The following FAM149B1 variants were observed in gnomAD, a reference collection of about 807,000 sequenced individuals.
FAM149B1 encodes the protein family with sequence similarity 149 member B1, also known as primary cilium assembly protein FAM149B1.
In FAM149B1, 56 loss-of-function variants were observed where a neutral mutation model predicts 75.3. That is an observed-to-expected ratio of 0.74 (90% CI 0.60 to 0.93). The LOEUF is 0.93. Ranked by LOEUF, FAM149B1 falls within the 40% of genes least tolerant of loss-of-function variation. FAM149B1 has a pLI of 0.00. For synonymous variants in FAM149B1, 259 were observed against 256.1 expected, an observed-to-expected ratio of 1.01 and a Z score of -0.11; for missense variants, 639 against 708.4, an observed-to-expected ratio of 0.90 and a Z score of 1.11.
intron 7 of FAM149B1, among the ~76,000 whole-genome samples, chr10:73,220,158 A>C (rs2043378002): frequency 6.6e-6 from 1 of 152,116 alleles, no homozygotes; most frequent in African/African-American, 2.4e-5. Context: ...GTACATCGTT[A>C]GTCATTAGGG....
chr10:73,171,634 T>C lies in FAM149B1; in HGVS notation c.48-3053T>C, dbSNP rs568956000. Among the ~76,000 whole-genome samples, 386 of 150,144 alleles carry C rather than the reference T, an allele frequency of 2.6e-3. 1 individual carries two copies. Among genetic ancestry groups the C allele is most frequent in the African/African-American group, 8.9e-3 (364 of 40,980 alleles). ...ATCTTCCTTATCCTTTTCTTTCTTT[T>C]TTTTTTTTTTTTGAGACAGAGTCTC... On this transcript the variant is annotated intron_variant, in intron 1 of 13. Coordinates refer to ENST00000242505, the MANE Select transcript of FAM149B1 (RefSeq NM_173348.2).
At chr10:73,188,748 A>AGGAG (rs1564687103) in intron 3 of FAM149B1, among the ~76,000 whole-genome samples, 6 of 128,342 alleles carry the variant, frequency 4.7e-5, no homozygotes, top group African/African-American at 1.8e-4. Flanking sequence ...AAAAAAAGGA[A>AGGAG]GGAAGGAGGG....
intron 1 of FAM149B1, among the ~76,000 whole-genome samples, chr10:73,171,749 C>T (rs764405031): frequency 9.2e-5 from 14 of 151,896 alleles, no homozygotes; most frequent in Non-Finnish European, 1.6e-4. Context: ...CTGCCTCAGC[C>T]TCCCGAGTAG....
Position 73,168,461 on chromosome 10 carries a change from G to T in FAM149B1, c.47+75G>T, listed in dbSNP as rs1349392219. 4.0e-6 allele frequency: 6 copies of T among 1,503,828 alleles called. No homozygotes were observed. In the Admixed American group the frequency reaches 1.0e-4, roughly 26 times the overall value. The allele number at this position is 1,503,828 out of a possible 1,614,324, so 93.2% of individuals were successfully genotyped here. The stretch of plus-strand genomic sequence containing the variant: ...GGGGACCCTCCTTGACCAGTCCTTC[G>T]TTCCTTTCCTTTCCCAGGGCTGGGG... On this transcript the variant is annotated intron_variant, in intron 1 of 13. Coordinates refer to ENST00000242505, the MANE Select transcript of FAM149B1 (RefSeq NM_173348.2).
intron 5 of FAM149B1, among the ~76,000 whole-genome samples, chr10:73,198,008 A>C (rs2042848716): frequency 6.6e-6 from 1 of 152,228 alleles, no homozygotes; most frequent in Non-Finnish European, 1.5e-5. Context: ...GCTGAATTAT[A>C]ACCCTTTAAA....
chr10:73,168,173 C>A lies in FAM149B1; in HGVS notation c.-167C>A. The A allele has an allele frequency of 4.4e-6, 3 of 686,216 alleles. No homozygotes were observed. In the South Asian group the frequency reaches 6.0e-5, roughly 14 times the overall value. 42.5% of individuals were successfully genotyped at this position (686,216 alleles called of 1,614,324 possible). On this transcript the variant is annotated 5_prime_UTR_variant, in exon 1 of 14. The change creates a new upstream start codon in the 5' untranslated region. Transcript: ENST00000242505. The stretch of plus-strand genomic sequence containing the variant: ...TCGGAGGACTGGAGAGGTGGGGACC[C>A]TGGGGAGGTGGCTGCTCGGAGTCTA...
At chr10:73,234,076 A>AT (rs1462134758) in intron 10 of FAM149B1, 1 of 152,230 alleles carries the variant, frequency 6.6e-6, no homozygotes, top group Non-Finnish European at 1.5e-5. Flanking sequence ...TTAGCTGTTG[A>AT]TTCACAAAAT....
intron 5 of FAM149B1, among the ~76,000 whole-genome samples, chr10:73,198,698 A>G (rs1291390117): frequency 6.6e-6 from 1 of 152,136 alleles, no homozygotes; most frequent in Non-Finnish European, 1.5e-5. Context: ...CCAGCTACTC[A>G]GGAGGCTGAG....
At position 73,241,123 on chromosome 10, in the gene FAM149B1, T is replaced by C; in HGVS notation, c.*104T>C. On this transcript the variant is annotated 3_prime_UTR_variant, in exon 14 of 14. Coordinates refer to ENST00000242505, the MANE Select transcript of FAM149B1 (RefSeq NM_173348.2). ...GCTTGTATAGAAGATCGACTAGAAATCATCTTCATGAAGAGTGATTTTGGC... is the reference window on the plus strand; with the variant it reads ...GCTTGTATAGAAGATCGACTAGAAACCATCTTCATGAAGAGTGATTTTGGC... The C allele has an allele frequency of 1.3e-6, 1 of 745,466 alleles. No homozygotes were observed. The highest frequency in any genetic ancestry group is 1.5e-5 in the South Asian group (1 of 66,194). 46.2% of individuals were successfully genotyped at this position (745,466 alleles called of 1,614,324 possible).
At position 73,234,835 on chromosome 10, in the gene FAM149B1, G is replaced by C; in HGVS notation, c.1371G>C (p.Ser457=). The C allele has an allele frequency of 6.4e-7, 1 of 1,551,470 alleles. No homozygotes were observed. Residue 457 remains serine, a synonymous_variant, in exon 11 of 14, where the codon TCG becomes TCC. Transcript: ENST00000242505. The part of the protein sequence containing the change: ...RGARVPVAPD[S]LSSPSPTPLS... Reference sequence around the variant, plus strand: ...TCTGCAGCCCAGTGGCACCCGACTCGCTCTCCTCTCCCTCACCGACGCCCC... The same window carrying C: ...TCTGCAGCCCAGTGGCACCCGACTCCCTCTCCTCTCCCTCACCGACGCCCC...
At chr10:73,230,604 T>G (rs1189446523) in intron 9 of FAM149B1, 79 bp downstream of exon 9, 2 of 792,568 alleles carry the variant, frequency 2.5e-6, no homozygotes, top group African/African-American at 3.4e-5. Flanking sequence ...TCAGTATGCA[T>G]GTATTGAGTG....
At chr10:73,217,568 G>A (rs1243652483) in intron 7 of FAM149B1, among the ~76,000 whole-genome samples, 1 of 152,124 alleles carries the variant, frequency 6.6e-6, no homozygotes, top group African/African-American at 2.4e-5. Flanking sequence ...ACACTTTTGT[G>A]TATTCTTAGA....
chr10:73,197,313 C>G (rs544254779), intron 5 of FAM149B1, among the ~76,000 whole-genome samples: 9 of 152,216 alleles, frequency 5.9e-5, no homozygotes, highest in Admixed American at 2.6e-4. Flanking sequence ...ACTCTTTTTT[C>G]TTAACTAAAT....
intron 7 of FAM149B1, among the ~76,000 whole-genome samples, chr10:73,220,094 A>T (rs1002143580): frequency 6.6e-6 from 1 of 151,940 alleles, no homozygotes; most frequent in African/African-American, 2.4e-5. Flanking sequence ...TAATTTGGAT[A>T]GATATTTCTC....
intron 5 of FAM149B1, among the ~76,000 whole-genome samples, chr10:73,205,907 G>T (rs2043043652): frequency 2.0e-5 from 3 of 152,180 alleles, no homozygotes. Context: ...TGGTACCAAG[G>T]AATGGGGTAT....
rs761522007 is a variant in FAM149B1, at chr10:73,243,973, C to T, written c.*2954C>T. On this transcript the variant is annotated 3_prime_UTR_variant, in exon 14 of 14. Transcript: ENST00000242505. ...TGAGACTCAGGGCCACCAGGAAATG[C>T]TTAAAATACATACTCTTTCCCAAAA... 1 of 1,503,110 alleles carries T rather than the reference C, an allele frequency of 6.7e-7. No individual in the cohort carries two copies. Among genetic ancestry groups the T allele is most frequent in the Non-Finnish European group, 9.2e-7 (1 of 1,088,438 alleles). The allele number at this position is 1,503,110 out of a possible 1,614,324, so 93.1% of individuals were successfully genotyped here. A position where few individuals can be genotyped will look rare whatever the true frequency, so the allele number is the denominator to read the frequency against.
At position 73,187,302 on chromosome 10, in the gene FAM149B1, A is replaced by G. The variant is rs191369642; in HGVS notation, c.283-5254A>G. Among the ~76,000 whole-genome samples, 10 of 150,956 alleles carry G rather than the reference A, an allele frequency of 6.6e-5. No homozygotes were observed. The South Asian group carries it at 8.3e-4, about 13-fold the overall frequency. ...CCCAAATTAATCTATATATCAGTGC[A>G]CTCTCTATCAAAATCCTAGGAGACA... On this transcript the variant is annotated intron_variant, in intron 3 of 13. Coordinates refer to ENST00000242505, the MANE Select transcript of FAM149B1 (RefSeq NM_173348.2).
In FAM149B1 at chr10:73,233,029, A is replaced by T. The variant is rs1388427483; in HGVS notation, c.1218A>T (p.Thr406=). 1.1e-5 allele frequency: 17 copies of T among 1,551,652 alleles called. No homozygotes were observed. The South Asian group carries it at 2.0e-4, about 18-fold the overall frequency. The change falls in exon 10 of 14, where the codon ACA becomes ACT. Residue 406 remains threonine (T), a synonymous_variant. Transcript: ENST00000242505. ...NWPNRAVEFS[T]SSLSYTVQST... ...CAAATCGAGCTGTGGAGTTTAGTACATCATCTCTGTCATACACAGTGCAGT... is the reference window on the plus strand; with the variant it reads ...CAAATCGAGCTGTGGAGTTTAGTACTTCATCTCTGTCATACACAGTGCAGT...
chr10:73,201,919 C>T (rs368486824), intron 5 of FAM149B1, among the ~76,000 whole-genome samples: 1 of 151,294 alleles, frequency 6.6e-6, no homozygotes, highest in Non-Finnish European at 1.5e-5. Context: ...AATCCCAGCA[C>T]TTTGGGAGGG....
Sources: allele counts gnomAD v4.1 joint callset (sites outside exome capture counted in the v4.1 genomes callset), GRCh38; gene constraint gnomAD v4.1.1; transcripts MANE v1.5; gene names NCBI Gene and HGNC (gene_info 2026-07-23, HGNC 2026-07-21).